Variants in GRIN3B observed in about 807,000 individuals in gnomAD.
The protein encoded by GRIN3B is glutamate ionotropic receptor NMDA type subunit 3B.
A neutral mutation model predicts 66.0 loss-of-function variants in GRIN3B; 77 were observed. The observed-to-expected ratio is 1.17, with a 90% CI of 0.97 to 1.41. GRIN3B has a LOEUF of 1.41. Among genes scored for constraint, GRIN3B ranks in the 40% most tolerant of loss-of-function variants. The probability of loss-of-function intolerance (pLI) is 0.00; values close to 1 mark genes in which losing one functional copy is unlikely to be tolerated. For synonymous variants in GRIN3B, 823 were observed against 749.7 expected (o/e 1.10, Z -1.60); for missense variants, 1,787 against 1,564.5 (o/e 1.14, Z -2.40).
rs1264915289 is a variant in GRIN3B at position 1,007,198 on chromosome 19, C to T, written c.2053-430C>T. On this transcript the variant is annotated intron_variant, in intron 3 of 8. Coordinates refer to ENST00000234389, the MANE Select transcript of GRIN3B (RefSeq NM_138690.3). This position sits in a 1 kb window ranked among gnomAD's most constrained non-coding sequence, Gnocchi z 4.4. ...TTCGGGAGAAACAGGGTGTCAGAGG[C>T]AGTGACGACAGAGCTGCCTCCGCCT... Among the ~76,000 whole-genome samples the T allele has an allele frequency of 6.6e-6, 1 of 152,062 alleles. No homozygotes were observed. Among genetic ancestry groups the T allele is most frequent in the Non-Finnish European group, 1.5e-5 (1 of 68,006 alleles).
intron 1 of GRIN3B, 27 bp from the exon 2 acceptor site, chr19:1,003,103 C>A (rs1468108572): frequency 1.4e-6 from 2 of 1,399,976 alleles, no homozygotes; most frequent in Non-Finnish European, 1.9e-6. Context: ...AGGTCGTCAA[C>A]CCTAACCGTG....
chr19:1,009,335 G>A lies in GRIN3B; in HGVS notation c.2865G>A (p.Ala955=). The change falls in exon 9 of 9, where the codon GCG becomes GCA. Residue 955 remains alanine, a synonymous_variant. Coordinates refer to ENST00000234389, the MANE Select transcript of GRIN3B (RefSeq NM_138690.3). ...APEADAEAEA[A]PREGPVWLCS... ...AAGCGGACGCGGAGGCGGAGGCTGC[G>A]CCGCGAGAGGGCCCCGTCTGGCTGT... 3.6e-6 allele frequency: 5 copies of A among 1,396,482 alleles called. No individual in the cohort carries two copies. Among genetic ancestry groups the A allele is most frequent in the South Asian group, 3.1e-5 (2 of 64,218 alleles). The allele number at this position is 1,396,482 out of a possible 1,614,324, so 86.5% of individuals were successfully genotyped here. A position where few individuals can be genotyped will look rare whatever the true frequency, so the allele number is the denominator to read the frequency against.
At position 1,008,734 on chromosome 19, in the gene GRIN3B, G is replaced by A. The variant is rs768195774; in HGVS notation, c.2583G>A (p.Pro861=). The A allele has an allele frequency of 4.4e-6, 7 of 1,608,242 alleles. No individual in the cohort carries two copies. In the Admixed American group the frequency reaches 5.0e-5, roughly 12 times the overall value. The change falls in exon 7 of 9, where the codon CCG becomes CCA. Residue 861 remains proline (P), a synonymous_variant. Transcript: ENST00000234389. ...ACGCCTTCTTCCGCCTGGCGCTGCC[G>A]CGCATCCGCAAGGGGAGCAGGCTGC... is the stretch of plus-strand genomic sequence containing the variant. ...GEHAFFRLAL[P]RIRKGSRLQY... is the part of the protein sequence containing the mutation.
intron 2 of GRIN3B, 22 bp from the exon 3 acceptor site, chr19:1,004,499 A>AGCC: frequency 2.1e-5 from 32 of 1,526,536 alleles, no homozygotes; most frequent in East Asian, 2.5e-5. Context: ...GACACCTGAC[A>AGCC]CCCCCCCCGC....
rs1052418719 is a variant in GRIN3B, at chr19:1,005,625, AG to A, written c.2052+76del. 3.8e-5 allele frequency: 47 copies of A among 1,243,282 alleles called. No individual in the cohort carries two copies. The highest frequency in any genetic ancestry group is 5.6e-5 in the Admixed American group (2 of 35,698). 77.0% of individuals were successfully genotyped at this position (1,243,282 alleles called of 1,614,324 possible). ...GGCCCCGGGCTGGGCTGTGTGGGGCAGGGGTGGTCAGCTGGACGTGGAGGAC... is the reference window on the plus strand; with the variant it reads ...GGCCCCGGGCTGGGCTGTGTGGGGCAGGGTGGTCAGCTGGACGTGGAGGAC... On this transcript the variant is annotated intron_variant, in intron 3 of 8. Coordinates refer to ENST00000234389, the MANE Select transcript of GRIN3B (RefSeq NM_138690.3). The surrounding 1 kb of genome is among the most constrained non-coding windows in gnomAD (Gnocchi z 5.2).
At chr19:1,001,202 C>T (rs1281375966) in intron 1 of GRIN3B, among the ~76,000 whole-genome samples, 1 of 152,080 alleles carries the variant, frequency 6.6e-6, no homozygotes, top group Non-Finnish European at 1.5e-5. Context: ...GCCCAGGCCC[C>T]TTCCCTCCTT....
At position 1,007,528 on chromosome 19, in the gene GRIN3B, T is replaced by C; in HGVS notation, c.2053-100T>C. 2 of 1,302,524 alleles carry C rather than the reference T, an allele frequency of 1.5e-6. No individual in the cohort carries two copies. The highest frequency in any genetic ancestry group is 2.0e-6 in the Non-Finnish European group (2 of 1,016,754). The allele number at this position is 1,302,524 out of a possible 1,614,324, so 80.7% of individuals were successfully genotyped here. Reference sequence around the variant, plus strand: ...GGCCAGGAATGCAGCCTCGGCGCCCTGCAGTGCCCAGGACGGCCCCACCCC... The same window carrying C: ...GGCCAGGAATGCAGCCTCGGCGCCCCGCAGTGCCCAGGACGGCCCCACCCC... On this transcript the variant is annotated intron_variant, in intron 3 of 8. Coordinates refer to ENST00000234389, the MANE Select transcript of GRIN3B (RefSeq NM_138690.3). This position sits in a 1 kb window ranked among gnomAD's most constrained non-coding sequence, Gnocchi z 4.4.
chr19:1,004,161 G>A (rs2038714153), intron 2 of GRIN3B, among the ~76,000 whole-genome samples: 1 of 152,202 alleles, frequency 6.6e-6, no homozygotes, highest in Non-Finnish European at 1.5e-5. Context: ...ACTATCTCAG[G>A]GACAGCAGAG....
chr19:1,002,699 T>A (rs1183550474), intron 1 of GRIN3B: 4 of 162,192 alleles, frequency 2.5e-5, no homozygotes, highest in Non-Finnish European at 5.3e-5. Flanking sequence ...GTCAGGACTG[T>A]AAAGGAATCA....
At position 1,009,522 on chromosome 19, in the gene GRIN3B, C is replaced by G; in HGVS notation, c.3052C>G (p.Arg1018Gly). The G allele has an allele frequency of 2.0e-6, 3 of 1,490,038 alleles. No homozygotes were observed. Among genetic ancestry groups the G allele is most frequent in the Non-Finnish European group, 2.7e-6 (3 of 1,125,258 alleles). The allele number at this position is 1,490,038 out of a possible 1,614,324, so 92.3% of individuals were successfully genotyped here. The change falls in exon 9 of 9, where the codon CGG (arginine) becomes GGG (glycine). Residue 1018 changes from arginine (R) to glycine (G), a missense_variant. Coordinates refer to ENST00000234389, the MANE Select transcript of GRIN3B (RefSeq NM_138690.3). ...ACAGCTCGGGGACAGCGCACGTCAC[C>G]GGCCTCGGCGCTTGCTTCAGGCCAG... The part of the protein sequence containing the change: ...LAQLGDSARH[R>G]PRRLLQARAA...
Position 1,005,137 on chromosome 19 carries a change from A to G in GRIN3B, c.1636A>G (p.Ser546Gly), listed in dbSNP as rs200764507. 35 of 1,613,340 alleles carry G rather than the reference A, an allele frequency of 2.2e-5. No homozygotes were observed. The Admixed American group carries it at 4.3e-4, about 20-fold the overall frequency. The change falls in exon 3 of 9, where the codon AGC becomes GGC. Residue 546 changes from serine to glycine, a missense_variant. Transcript: ENST00000234389. This position sits in a 1 kb window ranked among gnomAD's most constrained non-coding sequence, Gnocchi z 5.2. ...CCGCTCACAGGTGGTGGACTTCACC[A>G]GCCCCTTCTTCTCCACCAGCCTGGG... ...SARSQVVDFT[S>G]PFFSTSLGIM...
Position 1,005,319 on chromosome 19 carries a change from T to G in GRIN3B, c.1818T>G (p.Arg606=). Residue 606 remains arginine (R), a synonymous_variant, in exon 3 of 9, where the codon CGT becomes CGG. Transcript: ENST00000234389. The surrounding 1 kb of genome is among the most constrained non-coding windows in gnomAD (Gnocchi z 5.2). ...EWRSPYGLTP[R]GRNRSTVFSY... ...GTAGCCCCTACGGCCTCACGCCACG[T>G]GGCCGCAACCGCAGCACCGTCTTCT... The G allele has an allele frequency of 6.2e-7, 1 of 1,613,706 alleles. No individual in the cohort carries two copies. The highest frequency in any genetic ancestry group is 1.1e-5 in the South Asian group (1 of 91,076).
chr19:1,008,617 G>C lies in GRIN3B; in HGVS notation c.2467-1G>C, dbSNP rs2038790643. 1.3e-6 allele frequency: 2 copies of C among 1,596,826 alleles called. No individual in the cohort carries two copies. Among genetic ancestry groups the C allele is most frequent in the South Asian group, 2.2e-5 (2 of 90,944 alleles). On this transcript the variant is annotated splice_acceptor_variant, in intron 6 of 8. Transcript: ENST00000234389. LOFTEE classifies it high-confidence loss of function. ...CGGGGCTCCTGCTGTGTTGCCCCCA[G>C]ACCCTGCAGATGAGCATCTACCACT...
Position 1,007,771 on chromosome 19 carries a change from C to T in GRIN3B, c.2196C>T (p.Leu732=), listed in dbSNP as rs972435968. Residue 732 remains leucine, a splice_region_variant and synonymous_variant, in exon 4 of 9, where the codon CTC becomes CTT. Transcript: ENST00000234389. This position sits in a 1 kb window ranked among gnomAD's most constrained non-coding sequence, Gnocchi z 4.4. ...APTTPRGVAM[L]TSDPPKLNAF... is the part of the protein sequence containing the mutation. Reference sequence around the variant, plus strand: ...CCACGCCCCGCGGCGTCGCCATGCTCACGTGAGCCCGGGCGCGGGGTGAGG... The same window carrying T: ...CCACGCCCCGCGGCGTCGCCATGCTTACGTGAGCCCGGGCGCGGGGTGAGG... The T allele has an allele frequency of 5.3e-6, 8 of 1,515,694 alleles. No individual in the cohort carries two copies. In the East Asian group the frequency reaches 1.8e-4, roughly 35 times the overall value. 93.9% of individuals were successfully genotyped at this position (1,515,694 alleles called of 1,614,324 possible).
intron 3 of GRIN3B, among the ~76,000 whole-genome samples, chr19:1,006,137 A>G (rs1329590743): frequency 6.6e-6 from 1 of 152,012 alleles, no homozygotes; most frequent in East Asian, 1.9e-4. Flanking sequence ...GGCGTGAGCC[A>G]CCGCATCCAG....
chr19:1,007,776 G>A lies in GRIN3B; in HGVS notation c.2198+3G>A, dbSNP rs1253998268. ...CCCCGCGGCGTCGCCATGCTCACGT[G>A]AGCCCGGGCGCGGGGTGAGGCGGGG... On this transcript the variant is annotated splice_donor_region_variant and intron_variant, in intron 4 of 8. Transcript: ENST00000234389. The surrounding 1 kb of genome is among the most constrained non-coding windows in gnomAD (Gnocchi z 4.4). 15 of 1,514,316 alleles carry A rather than the reference G, an allele frequency of 9.9e-6. No homozygotes were observed. In the Admixed American group the frequency reaches 2.6e-4, roughly 26 times the overall value. The allele number at this position is 1,514,316 out of a possible 1,614,324, so 93.8% of individuals were successfully genotyped here. A position where few individuals can be genotyped will look rare whatever the true frequency, so the allele number is the denominator to read the frequency against.
In GRIN3B at chr19:1,005,041, A is replaced by G. The variant is rs981302100; in HGVS notation, c.1540A>G (p.Thr514Ala). The change falls in exon 3 of 9, where the codon ACC (threonine) becomes GCC (alanine). Residue 514 changes from threonine (T) to alanine (A), a missense_variant. Thr to Ala is a moderately conservative substitution (Grantham distance 58, BLOSUM62 0). Coordinates refer to ENST00000234389, the MANE Select transcript of GRIN3B (RefSeq NM_138690.3). This position sits in a 1 kb window ranked among gnomAD's most constrained non-coding sequence, Gnocchi z 5.2. ...CGGCGCCCTGCGGGACGGCCGCTGGACCGGCCTGGTCGGGGACCTGCTGGC... is the reference window on the plus strand; with the variant it reads ...CGGCGCCCTGCGGGACGGCCGCTGGGCCGGCCTGGTCGGGGACCTGCTGGC... ...KYGALRDGRW[T>A]GLVGDLLAGR... is the part of the protein sequence containing the mutation. The G allele has an allele frequency of 6.2e-7, 1 of 1,611,464 alleles. No homozygotes were observed. Among genetic ancestry groups the G allele is most frequent in the Non-Finnish European group, 8.5e-7 (1 of 1,179,242 alleles).
In GRIN3B at chr19:1,009,143, G is replaced by A. The variant is rs990366506; in HGVS notation, c.2703-30G>A. 1.5e-5 allele frequency: 21 copies of A among 1,446,132 alleles called. No individual in the cohort carries two copies. In the African/African-American group the frequency reaches 1.9e-4, roughly 13 times the overall value. 89.6% of individuals were successfully genotyped at this position (1,446,132 alleles called of 1,614,324 possible). On this transcript the variant is annotated intron_variant, in intron 8 of 8. Coordinates refer to ENST00000234389, the MANE Select transcript of GRIN3B (RefSeq NM_138690.3). ...CAGGGCGCGAGACGGCTGCCCCGGC[G>A]GACACTGACCAGGCCGGTTCCGTCC...
Position 1,007,653 on chromosome 19 carries a change from G to T in GRIN3B, c.2078G>T (p.Arg693Leu). ...CTGCACCACCCGGCGCAGGGCTTCC[G>T]CTTCGGCACCGTGTGGGAGAGCAGC... ...PKLHHPAQGFRFGTVWESSAE... is the reference protein window; with the variant it reads ...PKLHHPAQGFLFGTVWESSAE... Residue 693 changes from arginine to leucine, a missense_variant, in exon 4 of 9, where the codon CGC (arginine) becomes CTC (leucine). By Grantham distance (102) the Arg-to-Leu change is moderately radical. Transcript: ENST00000234389. This position sits in a 1 kb window ranked among gnomAD's most constrained non-coding sequence, Gnocchi z 4.4. 6.6e-7 allele frequency: 1 copy of T among 1,526,310 alleles called. No individual in the cohort carries two copies. 94.5% of individuals were successfully genotyped at this position (1,526,310 alleles called of 1,614,324 possible). A position where few individuals can be genotyped will look rare whatever the true frequency, so the allele number is the denominator to read the frequency against.
Sources: allele counts gnomAD v4.1 joint callset (sites outside exome capture counted in the v4.1 genomes callset), GRCh38; gene constraint gnomAD v4.1.1; non-coding constraint Gnocchi (gnomAD v3.1); transcripts MANE v1.5; gene names NCBI Gene and HGNC (gene_info 2026-07-23, HGNC 2026-07-21).